Variants in USP28 observed in about 807,000 individuals in gnomAD.
USP28 encodes ubiquitin specific peptidase 28, also known as ubiquitin carboxyl-terminal hydrolase 28.
In USP28, 113 loss-of-function variants were observed where a neutral mutation model predicts 145.0. The observed-to-expected ratio is 0.78, with a 90% CI of 0.67 to 0.91. USP28 has a LOEUF of 0.91. USP28 is among the 40% of genes least tolerant of loss of function. The pLI, the probability that USP28 is intolerant of heterozygous loss-of-function variation, is 0.00. For synonymous variants in USP28, 447 were observed against 450.9 expected, an observed-to-expected ratio of 0.99 and a Z score of 0.11; for missense variants, 1,201 against 1,289.6, an observed-to-expected ratio of 0.93 and a Z score of 1.05.
At chr11:113,847,785 C>T (rs1946040362) in intron 3 of USP28, among the ~76,000 whole-genome samples, 1 of 152,166 alleles carries the variant, frequency 6.6e-6, no homozygotes, top group African/African-American at 2.4e-5. Flanking sequence ...AAAATGGATA[C>T]TCAGTGAAAT....
At chr11:113,816,320 C>G (rs551769315) in intron 13 of USP28, among the ~76,000 whole-genome samples, 5 of 152,034 alleles carry the variant, frequency 3.3e-5, no homozygotes, top group Non-Finnish European at 5.9e-5. Context: ...ATCGAGACCA[C>G]CCTGGCCAAC....
intron 15 of USP28, among the ~76,000 whole-genome samples, chr11:113,813,167 C>T (rs17116010): frequency 0.01 from 1,558 of 152,286 alleles, 34 homozygotes; most frequent in African/African-American, 0.036. Context: ...ATTTTAATTA[C>T]TGGTGAAGAT....
intron 24 of USP28, among the ~76,000 whole-genome samples, chr11:113,799,896 G>A (rs1383206983): frequency 6.6e-6 from 1 of 152,198 alleles, no homozygotes; most frequent in Non-Finnish European, 1.5e-5. Flanking sequence ...GGTTGGACAA[G>A]CTTGGTCTAA....
chr11:113,853,338 T>C (rs1031847358), intron 2 of USP28, among the ~76,000 whole-genome samples: 2 of 146,942 alleles, frequency 1.4e-5, no homozygotes, highest in African/African-American at 5.0e-5. Flanking sequence ...AGCCACGCAG[T>C]TACCTGTTTT....
At chr11:113,840,840 TG>T in intron 4 of USP28, 83 bp from the exon 5 acceptor site, 1 of 1,477,672 alleles carries the variant, frequency 6.8e-7, no homozygotes, top group Non-Finnish European at 9.0e-7. Flanking sequence ...TAACTTTTCG[TG>T]GATAATTCAA....
chr11:113,821,258 G>T, intron 12 of USP28: 1 of 221,066 alleles, frequency 4.5e-6, no homozygotes, highest in South Asian at 8.4e-5. Flanking sequence ...TGTGGCCAGG[G>T]GGAAGGATGT....
At chr11:113,828,589 C>T (rs775353125) in intron 10 of USP28, among the ~76,000 whole-genome samples, 2 of 152,092 alleles carry the variant, frequency 1.3e-5, no homozygotes, top group Admixed American at 1.3e-4. Flanking sequence ...AATGTATGAT[C>T]AATGGAGAAC....
intron 1 of USP28, among the ~76,000 whole-genome samples, chr11:113,874,308 C>T (rs1949141383): frequency 6.7e-6 from 1 of 149,742 alleles, no homozygotes; most frequent in Non-Finnish European, 1.5e-5. Context: ...AAAAATTAGC[C>T]GGGCCGGTGG....
At chr11:113,820,393 G>C (rs1254445076) in intron 12 of USP28, 1 of 152,120 alleles carries the variant, frequency 6.6e-6, no homozygotes, top group Admixed American at 6.5e-5. Context: ...GTTAGGAATG[G>C]GACCATATAA....
chr11:113,810,533 A>C (rs939932983), intron 16 of USP28, among the ~76,000 whole-genome samples: 1 of 152,256 alleles, frequency 6.6e-6, no homozygotes, highest in African/African-American at 2.4e-5. Context: ...CAGCTAGTAC[A>C]TTCAAGCAGC....
Position 113,817,856 on chromosome 11 carries a change from G to A in USP28, c.1284-19C>T. 6.2e-7 allele frequency: 1 copy of A among 1,611,322 alleles called. No homozygotes were observed. The highest frequency in any genetic ancestry group is 8.5e-7 in the Non-Finnish European group (1 of 1,179,278). Reference sequence around the variant, plus strand: ...CACATACCTAAGCGACAAAGACAGTGGTACTCTACTGCCCAAGGCTGTTTT... The same window carrying A: ...CACATACCTAAGCGACAAAGACAGTAGTACTCTACTGCCCAAGGCTGTTTT... On this transcript the variant is annotated intron_variant, in intron 12 of 24. Transcript: ENST00000003302.
rs1036683421 is a variant in USP28 at position 113,840,813 on chromosome 11, G to T, written c.375-56C>A. 7.7e-6 allele frequency: 12 copies of T among 1,550,028 alleles called. No individual in the cohort carries two copies. In the Admixed American group the frequency reaches 2.0e-4, roughly 26 times the overall value. On this transcript the variant is annotated intron_variant, in intron 4 of 24. Coordinates refer to ENST00000003302, the Ensembl canonical transcript of USP28. ...AAGAAAATAGTTAAAGAATAATATA[G>T]CATATGGAGGATGCTATAACTTTTC...
At chr11:113,809,108 C>T (rs1191024850) in exon 17 of USP28, 6 of 1,614,028 alleles carry the variant, frequency 3.7e-6, no homozygotes, top group Non-Finnish European at 5.1e-6. Flanking sequence ...GTGGAGGACT[C>T]CATTTGAGGG....
intron 23 of USP28, 113 bp from the exon 25 acceptor site, chr11:113,801,791 G>C (rs1939076740): frequency 2.4e-6 from 2 of 847,506 alleles, no homozygotes; most frequent in South Asian, 3.2e-5. Flanking sequence ...GATGTACTTA[G>C]GGATCTTTAA....
At chr11:113,875,159 T>C (rs919804783) in intron 1 of USP28, among the ~76,000 whole-genome samples, 3 of 152,194 alleles carry the variant, frequency 2.0e-5, no homozygotes, top group African/African-American at 7.2e-5. Flanking sequence ...TACTGATCCC[T>C]GCGGCGGAGA....
intron 4 of USP28, 40 bp downstream of exon 4, chr11:113,841,623 A>G: frequency 2.8e-6 from 4 of 1,408,494 alleles, no homozygotes; most frequent in Non-Finnish European, 4.0e-6. Flanking sequence ...TGAGATACAC[A>G]CAAATGTGGG....
chr11:113,865,967 A>G (rs999322622), intron 1 of USP28, among the ~76,000 whole-genome samples: 4 of 152,230 alleles, frequency 2.6e-5, no homozygotes, highest in Non-Finnish European at 5.9e-5. Flanking sequence ...ATACAAATTC[A>G]AGAAATAAAC....
At position 113,799,375 on chromosome 11, in the gene USP28, A is replaced by T. The variant is rs745692210; in HGVS notation, c.3099T>A (p.Leu1033=). 15 of 1,614,196 alleles carry T rather than the reference A, an allele frequency of 9.3e-6. No homozygotes were observed. In the South Asian group the frequency reaches 1.5e-4, roughly 17 times the overall value. Residue 1033 remains leucine, a synonymous_variant, in exon 25 of 25, where the codon CTT becomes CTA. Coordinates refer to ENST00000003302, the Ensembl canonical transcript of USP28. ...CGATGATTTCTGCAGAAGGATCTAG[A>T]AGTCTGGGTAGAAACTCCCCTAGGC...
chr11:113,867,517 C>A (rs1325270909), intron 1 of USP28, among the ~76,000 whole-genome samples: 1 of 151,866 alleles, frequency 6.6e-6, no homozygotes, highest in Admixed American at 6.6e-5. Context: ...GCCACCTCAC[C>A]CAGCCCCACT....
Sources: gnomAD v4.1 joint callset for allele counts (sites outside exome capture counted in the v4.1 genomes callset) on GRCh38, gnomAD v4.1.1 for gene constraint, MANE v1.5 for transcripts, NCBI Gene and HGNC (gene_info 2026-07-23, HGNC 2026-07-21) for gene names.